Variants in SH2B3 observed in about 807,000 individuals in gnomAD.
SH2B3 encodes SH2B adaptor protein 3, also known as SH2B adapter protein 3.
Under a neutral mutation model 51.9 loss-of-function variants are expected in SH2B3, and 43 were observed. That is an observed-to-expected ratio of 0.83 (90% confidence interval 0.65 to 1.07). The LOEUF (loss-of-function observed/expected upper bound fraction) is 1.07. Among genes scored for constraint, SH2B3 ranks in the 50% least tolerant of loss-of-function variants. The probability of loss-of-function intolerance (pLI) is 0.00; values close to 1 mark genes in which losing one functional copy is unlikely to be tolerated. For missense variants in SH2B3, 952 were observed against 834.3 expected (o/e 1.14, Z -1.74); for synonymous variants, 396 against 376.0 (o/e 1.05, Z -0.62).
At chr12:111,415,396 T>TG (rs1016581195) in intron 1 of SH2B3, among the ~76,000 whole-genome samples, 1 of 151,804 alleles carries the variant, frequency 6.6e-6, no homozygotes, top group Non-Finnish European at 1.5e-5. Context: ...AGCAGAGGGG[T>TG]GGGGGGTCTC....
rs1291206138 is a variant in SH2B3 at position 111,449,461 on chromosome 12, T to A, written c.*1159T>A. The A allele has an allele frequency of 1.3e-5, 2 of 152,240 alleles. No homozygotes were observed. Among genetic ancestry groups the A allele is most frequent in the Non-Finnish European group, 2.9e-5 (2 of 68,052 alleles). The allele number at this position is 152,240 out of a possible 1,614,324, so 9.4% of individuals were successfully genotyped here. The stretch of plus-strand genomic sequence containing the variant: ...ATAGCCCACAATCAGTGTTCTGTTC[T>A]AGCTGGCTACTGCTTCACTGGATTG... On this transcript the variant is annotated 3_prime_UTR_variant, in exon 8 of 8. Transcript: ENST00000341259.
rs1441752820 is a variant in SH2B3 at position 111,418,822 on chromosome 12, G to A, written c.677G>A (p.Arg226Gln). 5 of 1,423,742 alleles carry A rather than the reference G, an allele frequency of 3.5e-6. No homozygotes were observed. In the Admixed American group the frequency reaches 1.0e-4, roughly 28 times the overall value. 88.2% of individuals were successfully genotyped at this position (1,423,742 alleles called of 1,614,324 possible). A position where few individuals can be genotyped will look rare whatever the true frequency, so the allele number is the denominator to read the frequency against. Residue 226 changes from arginine (R) to glutamine (Q), a missense_variant, in exon 2 of 8, where the codon CGG becomes CAG. By Grantham distance (43) the Arg-to-Gln change is conservative (BLOSUM62 1). Coordinates refer to ENST00000341259, the MANE Select transcript of SH2B3 (RefSeq NM_005475.3). This position sits in a 1 kb window ranked among gnomAD's most constrained non-coding sequence, Gnocchi z 6.7. Reference sequence around the variant, plus strand: ...CAGCGCGGGAGGCTGGCGCTGCGCCGGGCCCCGGGCCCCGATGGCCCCGAC... The same window carrying A: ...CAGCGCGGGAGGCTGGCGCTGCGCCAGGCCCCGGGCCCCGATGGCCCCGAC... ...RWQRGRLALRRAPGPDGPDRV... is the reference protein window; with the variant it reads ...RWQRGRLALRQAPGPDGPDRV...
In SH2B3 at chr12:111,418,833, C is replaced by G. The variant is rs1242432260; in HGVS notation, c.688C>G (p.Pro230Ala). The stretch of plus-strand genomic sequence containing the variant: ...GCTGGCGCTGCGCCGGGCCCCGGGC[C>G]CCGATGGCCCCGACCGCGTGCTGGA... ...GRLALRRAPGPDGPDRVLELF... is the reference protein window; with the variant it reads ...GRLALRRAPGADGPDRVLELF... Residue 230 changes from proline (P) to alanine (A), a missense_variant, in exon 2 of 8, where the codon CCC (proline) becomes GCC (alanine). By Grantham distance (27) the Pro-to-Ala change is conservative. Transcript: ENST00000341259. The surrounding 1 kb of genome is among the most constrained non-coding windows in gnomAD (Gnocchi z 6.7). 8 of 1,420,064 alleles carry G rather than the reference C, an allele frequency of 5.6e-6. No individual in the cohort carries two copies. The highest frequency in any genetic ancestry group is 5.4e-6 in the Non-Finnish European group (6 of 1,101,064). The allele number at this position is 1,420,064 out of a possible 1,614,324, so 88.0% of individuals were successfully genotyped here.
rs1402288706 is a variant in SH2B3 at position 111,415,639 on chromosome 12, C to T, written c.-27-2480C>T. 4.9e-4 allele frequency among the ~76,000 whole-genome samples: 67 copies of T among 136,008 alleles called. 2 individuals carry two copies. Among genetic ancestry groups the T allele is most frequent in the Admixed American group, 4.4e-3 (60 of 13,724 alleles). 89.2% of individuals were successfully genotyped at this position (136,008 alleles called of 152,430 possible). Reference sequence around the variant, plus strand: ...GTGTGATTTTTTTTTTTTTTTTTTCCAGGACAGAGTCTCGCTCTGTCACCC... The same window carrying T: ...GTGTGATTTTTTTTTTTTTTTTTTCTAGGACAGAGTCTCGCTCTGTCACCC... On this transcript the variant is annotated intron_variant, in intron 1 of 7. Transcript: ENST00000341259.
intron 2 of SH2B3, among the ~76,000 whole-genome samples, chr12:111,428,808 C>T (rs1037940431): frequency 1.3e-5 from 2 of 152,070 alleles, no homozygotes; most frequent in East Asian, 1.9e-4. Context: ...CCGTCCTTGC[C>T]GTGATTCTTC....
intron 2 of SH2B3, among the ~76,000 whole-genome samples, chr12:111,427,154 G>A (rs1593049463): frequency 6.6e-6 from 1 of 152,110 alleles, no homozygotes; most frequent in Non-Finnish European, 1.5e-5. Context: ...GGGAGGCGAA[G>A]GCAGATGGAT....
intron 2 of SH2B3, chr12:111,434,940 C>T: frequency 6.5e-7 from 1 of 1,535,542 alleles, no homozygotes; most frequent in Non-Finnish European, 8.7e-7. Flanking sequence ...GGAGGAGGAC[C>T]TGGCCTGGCT....
At position 111,418,623 on chromosome 12, in the gene SH2B3, G is replaced by C; in HGVS notation, c.478G>C (p.Ala160Pro). Residue 160 changes from alanine (A) to proline (P), a missense_variant, in exon 2 of 8, where the codon GCT becomes CCT. Ala to Pro is a conservative substitution (Grantham distance 27, BLOSUM62 -1). Transcript: ENST00000341259. This position sits in a 1 kb window ranked among gnomAD's most constrained non-coding sequence, Gnocchi z 6.7. Reference sequence around the variant, plus strand: ...CGGGGAGCTGCCAGCGGCCCACACCGCTGCCGCCCCCGGGACCCCCGGAGA... The same window carrying C: ...CGGGGAGCTGCCAGCGGCCCACACCCCTGCCGCCCCCGGGACCCCCGGAGA... Reference protein sequence around the residue: ...SAGELPAAHTAAAPGTPGEAA... With the variant: ...SAGELPAAHTPAAPGTPGEAA... The C allele has an allele frequency of 6.8e-7, 1 of 1,476,590 alleles. No individual in the cohort carries two copies. Among genetic ancestry groups the C allele is most frequent in the Middle Eastern group, 2.2e-4 (1 of 4,510 alleles). The allele number at this position is 1,476,590 out of a possible 1,614,324, so 91.5% of individuals were successfully genotyped here.
chr12:111,437,593 A>G (rs1173196795), intron 2 of SH2B3, among the ~76,000 whole-genome samples: 2 of 152,158 alleles, frequency 1.3e-5, no homozygotes, highest in Non-Finnish European at 2.9e-5. Flanking sequence ...CAGCAGGCCA[A>G]AGTAATTTGC....
At chr12:111,434,273 C>A (rs760708222) in intron 2 of SH2B3, among the ~76,000 whole-genome samples, 5 of 152,196 alleles carry the variant, frequency 3.3e-5, no homozygotes, top group African/African-American at 7.2e-5. Context: ...CAGAACATTT[C>A]TATCACCCTA....
chr12:111,432,986 T>A lies in SH2B3; in HGVS notation c.733-13767T>A, dbSNP rs77700500. Reference sequence around the variant, plus strand: ...GAACATTCGTGGACAAGTTTTTGTGTGGATCTGTGTTTTCATTTCTCTTGG... The same window carrying A: ...GAACATTCGTGGACAAGTTTTTGTGAGGATCTGTGTTTTCATTTCTCTTGG... On this transcript the variant is annotated intron_variant, in intron 2 of 7. Coordinates refer to ENST00000341259, the MANE Select transcript of SH2B3 (RefSeq NM_005475.3). Among the ~76,000 whole-genome samples, 1,620 of 152,358 alleles carry A rather than the reference T, an allele frequency of 0.011. 96 individuals carry two copies. The South Asian group carries it at 0.15, about 14-fold the overall frequency.
In SH2B3 at chr12:111,448,197, CCTGGAGCAT is replaced by C; in HGVS notation, c.1624_1632del (p.Leu542_His544del). 1 of 1,614,186 alleles carries C rather than the reference CCTGGAGCAT, an allele frequency of 6.2e-7. No individual in the cohort carries two copies. Among genetic ancestry groups the C allele is most frequent in the Non-Finnish European group, 8.5e-7 (1 of 1,180,032 alleles). ...AAGAACTGGCCAACAGCCTGCAGCACCTGGAGCATGAGCCTGTGAATCGAGCCCGGGACT... is the reference window on the plus strand; with the variant it reads ...AAGAACTGGCCAACAGCCTGCAGCACGAGCCTGTGAATCGAGCCCGGGACT... On this transcript the variant is annotated inframe_deletion, in exon 8 of 8. Coordinates refer to ENST00000341259, the MANE Select transcript of SH2B3 (RefSeq NM_005475.3).
rs536131024 is a variant in SH2B3 at position 111,435,366 on chromosome 12, G to GT, written c.733-11379dup. On this transcript the variant is annotated intron_variant, in intron 2 of 7. Transcript: ENST00000341259. The surrounding 1 kb of genome is among the most constrained non-coding windows in gnomAD (Gnocchi z 4.8). ...GGGCCTGGCTACAGTCCTCACTGGTGTTTTTTTTGTTTTTGAGAGGGCATC... is the reference window on the plus strand; with the variant it reads ...GGGCCTGGCTACAGTCCTCACTGGTGTTTTTTTTTGTTTTTGAGAGGGCATC... Among the ~76,000 whole-genome samples the GT allele has an allele frequency of 9.2e-5, 14 of 152,084 alleles. No homozygotes were observed. Among genetic ancestry groups the GT allele is most frequent in the East Asian group, 7.8e-4 (4 of 5,160 alleles).
At chr12:111,413,779 TG>T (rs1404710870) in intron 1 of SH2B3, among the ~76,000 whole-genome samples, 1 of 152,200 alleles carries the variant, frequency 6.6e-6, no homozygotes, top group Admixed American at 6.5e-5. Flanking sequence ...GAGCTGGAGA[TG>T]AAGCAGGGAA....
At chr12:111,412,831 G>A (rs1330575113) in intron 1 of SH2B3, among the ~76,000 whole-genome samples, 5 of 152,086 alleles carry the variant, frequency 3.3e-5, no homozygotes, top group African/African-American at 9.7e-5. Flanking sequence ...TTGGCCTCCC[G>A]AGGTATTGAG....
At chr12:111,439,066 G>A (rs1257408118) in intron 2 of SH2B3, among the ~76,000 whole-genome samples, 9 of 152,166 alleles carry the variant, frequency 5.9e-5, no homozygotes, top group African/African-American at 1.7e-4. Flanking sequence ...TCTGCCTCCC[G>A]GGTTCAAGTG....
In SH2B3 at chr12:111,418,973, G is replaced by T; in HGVS notation, c.732+96G>T. 5 of 1,202,222 alleles carry T rather than the reference G, an allele frequency of 4.2e-6. No individual in the cohort carries two copies. Among genetic ancestry groups the T allele is most frequent in the Non-Finnish European group, 5.4e-6 (5 of 928,910 alleles). The allele number at this position is 1,202,222 out of a possible 1,614,324, so 74.5% of individuals were successfully genotyped here. A position where few individuals can be genotyped will look rare whatever the true frequency, so the allele number is the denominator to read the frequency against. Reference sequence around the variant, plus strand: ...GCTGGGGAGGTGTGATGGCTTTCCAGCTGGTGGCCACAGAGTGTCCAGAGG... The same window carrying T: ...GCTGGGGAGGTGTGATGGCTTTCCATCTGGTGGCCACAGAGTGTCCAGAGG... On this transcript the variant is annotated intron_variant, in intron 2 of 7. Coordinates refer to ENST00000341259, the MANE Select transcript of SH2B3 (RefSeq NM_005475.3). The surrounding 1 kb of genome is among the most constrained non-coding windows in gnomAD (Gnocchi z 6.7).
At position 111,435,161 on chromosome 12, in the gene SH2B3, C is replaced by T; in HGVS notation, c.733-11592C>T. Reference sequence around the variant, plus strand: ...TGTTTCTTAACCACATCTTTTTCCACCCACACCCGGTGCAGAGCAGATGCT... The same window carrying T: ...TGTTTCTTAACCACATCTTTTTCCATCCACACCCGGTGCAGAGCAGATGCT... On this transcript the variant is annotated intron_variant, in intron 2 of 7. Transcript: ENST00000341259. This position sits in a 1 kb window ranked among gnomAD's most constrained non-coding sequence, Gnocchi z 4.8. 1 of 727,258 alleles carries T rather than the reference C, an allele frequency of 1.4e-6. No homozygotes were observed. The highest frequency in any genetic ancestry group is 2.2e-6 in the Non-Finnish European group (1 of 448,518). The allele number at this position is 727,258 out of a possible 1,614,324, so 45.1% of individuals were successfully genotyped here.
chr12:111,418,213 C>G lies in SH2B3; in HGVS notation c.68C>G (p.Pro23Arg), dbSNP rs760472328. 5.7e-6 allele frequency: 9 copies of G among 1,580,506 alleles called. No homozygotes were observed. In the Middle Eastern group the frequency reaches 1.3e-3, roughly 227 times the overall value. ...CCCTCAGCCTCCCCGGCGGCGGCCC[C>G]GCGGGGCTGGAGCGAGTTCTGTGAG... ...SAPSASPAAA[P>R]RGWSEFCELH... The change falls in exon 2 of 8, where the codon CCG becomes CGG. Residue 23 changes from proline to arginine, a missense_variant. Physicochemically the swap from Pro to Arg is moderately radical, Grantham distance 103. Transcript: ENST00000341259. This position sits in a 1 kb window ranked among gnomAD's most constrained non-coding sequence, Gnocchi z 6.7.
Sources: allele counts gnomAD v4.1 joint callset (sites outside exome capture counted in the v4.1 genomes callset), GRCh38; gene constraint gnomAD v4.1.1; non-coding constraint Gnocchi (gnomAD v3.1); transcripts MANE v1.5; gene names NCBI Gene and HGNC (gene_info 2026-07-23, HGNC 2026-07-21).